The following MRTFA variants were observed in gnomAD, a reference collection of about 807,000 sequenced individuals.
MRTFA encodes myocardin related transcription factor A.
MRTFA carries 20 observed loss-of-function variants against 83.5 expected under a neutral mutation model. That is an observed-to-expected ratio of 0.24 (90% CI 0.17 to 0.35). MRTFA has a LOEUF of 0.35. Among genes scored for constraint, MRTFA ranks in the 10% least tolerant of loss-of-function variants. MRTFA has a pLI of 1.00. For synonymous variants in MRTFA, 659 were observed against 541.2 expected (o/e 1.22, Z -3.02); for missense variants, 1,200 against 1,224.7 (o/e 0.98, Z 0.30).
At chr22:40,611,340 G>A (rs1408365122) in intron 1 of MRTFA, among the ~76,000 whole-genome samples, 2 of 152,036 alleles carry the variant, frequency 1.3e-5, no homozygotes, top group Non-Finnish European at 2.9e-5. Flanking sequence ...GGATTCGAGT[G>A]ATCCTCCTGC....
chr22:40,603,143 T>C (rs2056279362), intron 1 of MRTFA, among the ~76,000 whole-genome samples: 1 of 152,220 alleles, frequency 6.6e-6, no homozygotes, highest in South Asian at 2.1e-4. Context: ...ACTTTCCCTC[T>C]GGCCGAAGCT....
intron 3 of MRTFA, among the ~76,000 whole-genome samples, chr22:40,503,337 C>A (rs1318166593): frequency 6.6e-6 from 1 of 152,126 alleles, no homozygotes; most frequent in African/African-American, 2.4e-5. Context: ...AGTCTGGGGG[C>A]CAGGCATGAT....
rs531448032 is a variant in MRTFA, at chr22:40,418,236, C to A, written c.2364+138G>T. 2.5e-4 allele frequency: 365 copies of A among 1,442,172 alleles called. 2 individuals are homozygous for A. The highest frequency in any genetic ancestry group is 2.1e-3 in the Middle Eastern group (8 of 3,870). 89.3% of individuals were successfully genotyped at this position (1,442,172 alleles called of 1,614,324 possible). A position where few individuals can be genotyped will look rare whatever the true frequency, so the allele number is the denominator to read the frequency against. On this transcript the variant is annotated intron_variant, in intron 12 of 14. Coordinates refer to ENST00000355630, the MANE Select transcript of MRTFA (RefSeq NM_020831.6). ...CCCTTAACTTTCCTAAGTCTCAGTA[C>A]CCCCCTGGTGAAGGAAGATTAAATG...
At chr22:40,476,454 T>A (rs953328600) in intron 3 of MRTFA, among the ~76,000 whole-genome samples, 13 of 152,108 alleles carry the variant, frequency 8.5e-5, no homozygotes, top group African/African-American at 3.1e-4. Context: ...TCTAAACATG[T>A]TTCTTTTCTT....
intron 2 of MRTFA, among the ~76,000 whole-genome samples, chr22:40,581,886 T>G (rs1318854637): frequency 6.6e-6 from 1 of 152,174 alleles, no homozygotes; most frequent in Admixed American, 6.6e-5. Context: ...TACAGATAAT[T>G]TGGTCTTACT....
At position 40,560,981 on chromosome 22, in the gene MRTFA, C is replaced by A. The variant is rs190964971; in HGVS notation, c.-21-8614G>T. Among the ~76,000 whole-genome samples, 3 of 152,238 alleles carry A rather than the reference C, an allele frequency of 2.0e-5. No homozygotes were observed. In the South Asian group the frequency reaches 6.2e-4, roughly 32 times the overall value. On this transcript the variant is annotated intron_variant, in intron 2 of 14. Coordinates refer to ENST00000355630, the MANE Select transcript of MRTFA (RefSeq NM_020831.6). The stretch of plus-strand genomic sequence containing the variant: ...CCCATGACAAAAAGGTGGTTCTATG[C>A]GACCAAATGGTATGGTTCTTCTGAA...
intron 1 of MRTFA, among the ~76,000 whole-genome samples, chr22:40,633,866 A>C (rs2056666346): frequency 6.6e-6 from 1 of 152,174 alleles, no homozygotes; most frequent in South Asian, 2.1e-4. Context: ...TTACCTCTAC[A>C]AAAGCATGTT....
chr22:40,498,252 CATATAT>C (rs200779719), intron 3 of MRTFA, among the ~76,000 whole-genome samples: 42 of 77,532 alleles, frequency 5.4e-4, no homozygotes, highest in Middle Eastern at 8.2e-3. Flanking sequence ...GTACACACTT[CATATAT>C]ATATATATAT....
At chr22:40,500,060 G>C (rs1353955245) in intron 3 of MRTFA, among the ~76,000 whole-genome samples, 1 of 151,252 alleles carries the variant, frequency 6.6e-6, no homozygotes, top group African/African-American at 2.4e-5. Flanking sequence ...CTCCCTAGTA[G>C]CTGAGATTAC....
intron 3 of MRTFA, among the ~76,000 whole-genome samples, chr22:40,513,602 CAAA>C (rs111580647): frequency 4.6e-5 from 3 of 65,898 alleles, no homozygotes; most frequent in Admixed American, 1.8e-4. Flanking sequence ...GACTCCATCT[CAAA>C]AAAAAAAAAA....
At chr22:40,586,982 G>C (rs1808177050) in intron 2 of MRTFA, 1 of 458,318 alleles carries the variant, frequency 2.2e-6, no homozygotes, top group South Asian at 1.6e-5. Context: ...GTTTGTGGTT[G>C]CTGGCCTGGC....
chr22:40,588,799 T>A (rs1314177964), intron 2 of MRTFA, among the ~76,000 whole-genome samples: 1 of 152,080 alleles, frequency 6.6e-6, no homozygotes, highest in African/African-American at 2.4e-5. Context: ...CTGGGAAACA[T>A]GGCGAGACTC....
At chr22:40,477,221 G>T (rs2054013583) in intron 3 of MRTFA, among the ~76,000 whole-genome samples, 1 of 150,324 alleles carries the variant, frequency 6.7e-6, no homozygotes, top group South Asian at 2.1e-4. Flanking sequence ...ATGGTGGCGG[G>T]CACTTGTAAT....
chr22:40,518,861 A>C (rs1422368342), intron 3 of MRTFA, among the ~76,000 whole-genome samples: 1 of 150,902 alleles, frequency 6.6e-6, no homozygotes, highest in Non-Finnish European at 1.5e-5. Context: ...GTAAACTCTA[A>C]GTGTTAGCTA....
At chr22:40,468,588 A>T (rs1458718471) in intron 3 of MRTFA, among the ~76,000 whole-genome samples, 1 of 152,226 alleles carries the variant, frequency 6.6e-6, no homozygotes, top group Non-Finnish European at 1.5e-5. Context: ...TGAAACTTCT[A>T]ATCAAATGAC....
intron 3 of MRTFA, among the ~76,000 whole-genome samples, chr22:40,478,265 G>A (rs529587040): frequency 3.3e-5 from 5 of 152,218 alleles, no homozygotes; most frequent in African/African-American, 4.8e-5. Flanking sequence ...ACTGAAAAAC[G>A]ACATTAGTGG....
At chr22:40,615,798 C>T (rs895752517) in intron 1 of MRTFA, among the ~76,000 whole-genome samples, 3 of 151,866 alleles carry the variant, frequency 2.0e-5, no homozygotes, top group African/African-American at 7.3e-5. Flanking sequence ...GATTCTCCTG[C>T]CTCAGCCTCC....
At chr22:40,455,820 G>A (rs1179526079) in intron 4 of MRTFA, among the ~76,000 whole-genome samples, 1 of 150,674 alleles carries the variant, frequency 6.6e-6, no homozygotes, top group Non-Finnish European at 1.5e-5. Context: ...ATGTATGTAT[G>A]TATGTATGTA....
chr22:40,618,765 A>T (rs1034406600), intron 1 of MRTFA, among the ~76,000 whole-genome samples: 1 of 151,978 alleles, frequency 6.6e-6, no homozygotes, highest in Non-Finnish European at 1.5e-5. Flanking sequence ...GGAATTCAAG[A>T]CCAGCCTGGC....
Sources: allele counts gnomAD v4.1 joint callset (sites outside exome capture counted in the v4.1 genomes callset), GRCh38; gene constraint gnomAD v4.1.1; transcripts MANE v1.5; gene names NCBI Gene and HGNC (gene_info 2026-07-23, HGNC 2026-07-21).